The following RPA1 variants were observed in gnomAD, a reference collection of about 807,000 sequenced individuals.
RPA1 encodes the protein replication protein A1, also known as replication protein A 70 kDa DNA-binding subunit.
Under a neutral mutation model 83.0 loss-of-function variants are expected in RPA1, and 49 were observed. The ratio of observed to expected loss-of-function variants is 0.59; its 90% confidence interval spans 0.47 to 0.75. RPA1 has a LOEUF of 0.75. RPA1 is among the 30% of genes least tolerant of loss of function. The pLI is 0.00. For synonymous variants in RPA1, 279 were observed against 281.8 expected, an observed-to-expected ratio of 0.99 and a Z score of 0.10; for missense variants, 693 against 776.1, an observed-to-expected ratio of 0.89 and a Z score of 1.27.
At chr17:1,840,642 T>C (rs1912011245) in intron 1 of RPA1, among the ~76,000 whole-genome samples, 1 of 152,148 alleles carries the variant, frequency 6.6e-6, no homozygotes, top group African/African-American at 2.4e-5. Flanking sequence ...ACTCCTGAGC[T>C]CAAGCGATCC....
intron 4 of RPA1, among the ~76,000 whole-genome samples, chr17:1,851,919 A>G (rs1567807708): frequency 6.6e-6 from 1 of 151,856 alleles, no homozygotes; most frequent in Admixed American, 6.6e-5. Flanking sequence ...AAAACAAACG[A>G]TTGATTGTAT....
Position 1,831,473 on chromosome 17 carries a change from C to T in RPA1, c.33+1347C>T, listed in dbSNP as rs377295625. 9.2e-4 allele frequency among the ~76,000 whole-genome samples: 140 copies of T among 152,216 alleles called. 1 individual carries two copies. Among genetic ancestry groups the T allele is most frequent in the South Asian group, 7.7e-3 (37 of 4,826 alleles). On this transcript the variant is annotated intron_variant, in intron 1 of 16. Coordinates refer to ENST00000254719, the MANE Select transcript of RPA1 (RefSeq NM_002945.5). ...GAGCTGCTGACTTCCACTCAGCATACGTTCCTGCCACCATTCCCATCCACA... is the reference window on the plus strand; with the variant it reads ...GAGCTGCTGACTTCCACTCAGCATATGTTCCTGCCACCATTCCCATCCACA...
intron 5 of RPA1, among the ~76,000 whole-genome samples, chr17:1,856,832 T>C (rs1912718754): frequency 6.6e-6 from 1 of 151,838 alleles, no homozygotes; most frequent in Admixed American, 6.6e-5. Flanking sequence ...TTATATAACA[T>C]ACATATATGT....
intron 5 of RPA1, chr17:1,858,429 C>A: frequency 6.6e-7 from 1 of 1,519,126 alleles, no homozygotes. Context: ...CAACGTGTCT[C>A]AGCAACAGCG....
In RPA1 at chr17:1,895,068, A is replaced by T; in HGVS notation, c.1719A>T (p.Arg573Ser). The T allele has an allele frequency of 6.2e-7, 1 of 1,613,670 alleles. No individual in the cohort carries two copies. Among genetic ancestry groups the T allele is most frequent in the Non-Finnish European group, 8.5e-7 (1 of 1,179,758 alleles). ...QNANFRSFIF[R>S]VRVKVETYND... ...CCAACTTCCGATCTTTCATATTCAG[A>T]GTCAGGGTCAAAGTGGAGACCTACA... The change falls in exon 16 of 17, where the codon AGA becomes AGT. Residue 573 changes from arginine (R) to serine (S), a missense_variant. Arg to Ser is a moderately radical substitution (Grantham distance 110). Coordinates refer to ENST00000254719, the MANE Select transcript of RPA1 (RefSeq NM_002945.5).
Position 1,862,396 on chromosome 17 carries a change from A to G in RPA1, c.361+9207A>G, listed in dbSNP as rs1178478015. The stretch of plus-strand genomic sequence containing the variant: ...TGTCCACATGGAAGAAGTAGATGTT[A>G]ATATCGATTAGCTCAATATTTATTT... On this transcript the variant is annotated intron_variant, in intron 5 of 16. Transcript: ENST00000254719. Among the ~76,000 whole-genome samples, 3 of 147,978 alleles carry G rather than the reference A, an allele frequency of 2.0e-5. No homozygotes were observed. The Admixed American group carries it at 2.0e-4, about 10-fold the overall frequency.
chr17:1,881,240 T>C (rs914581194), intron 12 of RPA1, among the ~76,000 whole-genome samples: 1 of 152,198 alleles, frequency 6.6e-6, no homozygotes, highest in Non-Finnish European at 1.5e-5. Context: ...ATTCAAACTC[T>C]GTCTTAAAAG....
At chr17:1,861,017 T>C (rs1288785360) in intron 5 of RPA1, among the ~76,000 whole-genome samples, 1 of 152,174 alleles carries the variant, frequency 6.6e-6, no homozygotes, top group East Asian at 1.9e-4. Context: ...TATGAATTTT[T>C]CCCATCTGAC....
chr17:1,832,682 C>T (rs1016887633), intron 1 of RPA1, among the ~76,000 whole-genome samples: 9 of 152,036 alleles, frequency 5.9e-5, no homozygotes, highest in Admixed American at 2.6e-4. Context: ...CCACCGCGCA[C>T]GACCCCATTC....
chr17:1,897,253 C>T lies in RPA1; in HGVS notation c.*78C>T, dbSNP rs1914477460. 2.7e-5 allele frequency: 29 copies of T among 1,083,250 alleles called. 1 individual carries two copies. In the South Asian group the frequency reaches 4.4e-4, roughly 17 times the overall value. 67.1% of individuals were successfully genotyped at this position (1,083,250 alleles called of 1,614,324 possible). A position where few individuals can be genotyped will look rare whatever the true frequency, so the allele number is the denominator to read the frequency against. On this transcript the variant is annotated 3_prime_UTR_variant, in exon 17 of 17. Coordinates refer to ENST00000254719, the MANE Select transcript of RPA1 (RefSeq NM_002945.5). ...TTTCCTCCCACCTCCGTGTGACGAT[C>T]CCATGTTAGCTACACAGTGCAGAGG... is the stretch of plus-strand genomic sequence containing the variant.
intron 5 of RPA1, among the ~76,000 whole-genome samples, chr17:1,866,934 T>C (rs761707433): frequency 5.3e-5 from 8 of 152,238 alleles, no homozygotes; most frequent in Non-Finnish European, 8.8e-5. Flanking sequence ...TGTATACGTC[T>C]GTGTGCACGT....
Position 1,833,153 on chromosome 17 carries a change from C to G in RPA1, c.33+3027C>G, listed in dbSNP as rs1597412844. Among the ~76,000 whole-genome samples, 3 of 144,708 alleles carry G rather than the reference C, an allele frequency of 2.1e-5. No homozygotes were observed. The Admixed American group carries it at 2.1e-4, about 10-fold the overall frequency. 94.9% of individuals were successfully genotyped at this position (144,708 alleles called of 152,430 possible). A position where few individuals can be genotyped will look rare whatever the true frequency, so the allele number is the denominator to read the frequency against. ...TGTAGGCCAGGCTGGTCTTGAACTC[C>G]TGGCCTCGAGATCCACCCACCTTGG... is the stretch of plus-strand genomic sequence containing the variant. On this transcript the variant is annotated intron_variant, in intron 1 of 16. Coordinates refer to ENST00000254719, the MANE Select transcript of RPA1 (RefSeq NM_002945.5).
At chr17:1,895,350 T>TTA (rs1381124030) in intron 16 of RPA1, among the ~76,000 whole-genome samples, 3 of 151,670 alleles carry the variant, frequency 2.0e-5, no homozygotes, top group Admixed American at 6.6e-5. Flanking sequence ...TTTTTTTTAT[T>TTA]TTTATTTTTT....
At chr17:1,830,240 G>T in intron 1 of RPA1, 114 bp downstream of exon 1, 2 of 684,522 alleles carry the variant, frequency 2.9e-6, no homozygotes, top group Non-Finnish European at 4.0e-6. Flanking sequence ...GCGAGGGGAG[G>T]AGATGGCGGG....
At chr17:1,851,216 A>G (rs1912482706) in intron 4 of RPA1, among the ~76,000 whole-genome samples, 1 of 152,190 alleles carries the variant, frequency 6.6e-6, no homozygotes, top group African/African-American at 2.4e-5. Context: ...CACCTAAAAA[A>G]ATACCGTCCG....
At chr17:1,895,184 T>A (rs1208333916) in intron 16 of RPA1, 89 bp downstream of exon 16, 8 of 1,025,884 alleles carry the variant, frequency 7.8e-6, no homozygotes, top group Non-Finnish European at 1.2e-5. Context: ...GGCAGGGAGT[T>A]ACTGTACTCA....
intron 13 of RPA1, among the ~76,000 whole-genome samples, chr17:1,887,635 C>T (rs943551885): frequency 6.6e-6 from 1 of 151,492 alleles, no homozygotes. Context: ...CTCCTATAAT[C>T]CTAGCACTTC....
intron 3 of RPA1, among the ~76,000 whole-genome samples, chr17:1,844,272 G>A (rs1013695768): frequency 6.6e-6 from 1 of 152,148 alleles, no homozygotes; most frequent in African/African-American, 2.4e-5. Flanking sequence ...TCGACTGAGT[G>A]CGAGGGGTCA....
At position 1,854,022 on chromosome 17, in the gene RPA1, G is replaced by GT. The variant is rs570563374; in HGVS notation, c.361+837dup. 8.5e-5 allele frequency: 13 copies of GT among 152,138 alleles called. No individual in the cohort carries two copies. In the South Asian group the frequency reaches 2.7e-3, roughly 32 times the overall value. The allele number at this position is 152,138 out of a possible 1,614,324, so 9.4% of individuals were successfully genotyped here. Reference sequence around the variant, plus strand: ...TGAAACAAGTTGAATATATAACGTTGTTTTACTGTGATTATCTCTTGATGG... The same window carrying GT: ...TGAAACAAGTTGAATATATAACGTTGTTTTTACTGTGATTATCTCTTGATGG... On this transcript the variant is annotated intron_variant, in intron 5 of 16. Coordinates refer to ENST00000254719, the MANE Select transcript of RPA1 (RefSeq NM_002945.5).
Sources: allele counts gnomAD v4.1 joint callset (sites outside exome capture counted in the v4.1 genomes callset), GRCh38; gene constraint gnomAD v4.1.1; transcripts MANE v1.5; gene names NCBI Gene and HGNC (gene_info 2026-07-23, HGNC 2026-07-21).